The following RBFOX3 variants were observed in gnomAD, a reference collection of about 807,000 sequenced individuals.
The protein encoded by RBFOX3 is RNA binding protein fox-1 homolog 3.
Under a neutral mutation model 48.7 loss-of-function variants are expected in RBFOX3, and 17 were observed. The ratio of observed to expected loss-of-function variants is 0.35; its 90% CI spans 0.24 to 0.52. The LOEUF (loss-of-function observed/expected upper bound fraction) is 0.52. RBFOX3 is among the 20% of genes least tolerant of loss of function. The probability of loss-of-function intolerance (pLI) is 0.94; values close to 1 mark genes in which losing one functional copy is unlikely to be tolerated. For synonymous variants in RBFOX3, 212 were observed against 209.5 expected, an observed-to-expected ratio of 1.01 and a Z score of -0.10; for missense variants, 382 against 497.5, an observed-to-expected ratio of 0.77 and a Z score of 2.21.
rs1354308208 is a variant in RBFOX3 at position 79,299,868 on chromosome 17, A to G, written c.-74+7856T>C. Among the ~76,000 whole-genome samples the G allele has an allele frequency of 6.6e-6, 1 of 151,822 alleles. No individual in the cohort carries two copies. The highest frequency in any genetic ancestry group is 1.9e-4 in the East Asian group (1 of 5,184). Reference sequence around the variant, plus strand: ...AGCATCTCTGTTTAGCCAGCTTCTCAGTACCCCACACAGGCCTCCAAAGGA... The same window carrying G: ...AGCATCTCTGTTTAGCCAGCTTCTCGGTACCCCACACAGGCCTCCAAAGGA... On this transcript the variant is annotated intron_variant, in intron 3 of 14. Coordinates refer to ENST00000693108, the MANE Select transcript of RBFOX3 (RefSeq NM_001350451.2). This position sits in a 1 kb window ranked among gnomAD's most constrained non-coding sequence, Gnocchi z 4.5.
chr17:79,198,168 G>A lies in RBFOX3; in HGVS notation c.-34+37598C>T, dbSNP rs1171038953. On this transcript the variant is annotated intron_variant, in intron 4 of 14. Coordinates refer to ENST00000693108, the MANE Select transcript of RBFOX3 (RefSeq NM_001350451.2). The surrounding 1 kb of genome is among the most constrained non-coding windows in gnomAD (Gnocchi z 8.2). ...TCGTGTGGGGTGGGCTGTCATCCCG[G>A]AAGTGCTACGGTTGCATCGCTGGAC... Among the ~76,000 whole-genome samples, 3 of 151,774 alleles carry A rather than the reference G, an allele frequency of 2.0e-5. No individual in the cohort carries two copies. Among genetic ancestry groups the A allele is most frequent in the Non-Finnish European group, 2.9e-5 (2 of 67,996 alleles).
At position 79,509,374 on chromosome 17, in the gene RBFOX3, G is replaced by A. The variant is rs2083729952; in HGVS notation, c.-319-26776C>T. Among the ~76,000 whole-genome samples the A allele has an allele frequency of 2.0e-5, 3 of 152,182 alleles. No homozygotes were observed. In the South Asian group the frequency reaches 6.2e-4, roughly 32 times the overall value. ...TCCCCACACCCCCTCCAGCCCCAGA[G>A]CACATAGCTCAGCAAAGCCAGGGGC... On this transcript the variant is annotated intron_variant, in intron 1 of 14. Transcript: ENST00000693108.
In RBFOX3 at chr17:79,364,732, G is replaced by A. The variant is rs1002810710; in HGVS notation, c.-174-56908C>T. 1.3e-5 allele frequency among the ~76,000 whole-genome samples: 2 copies of A among 152,154 alleles called. No individual in the cohort carries two copies. The highest frequency in any genetic ancestry group is 3.2e-3 in the Middle Eastern group (1 of 316). Reference sequence around the variant, plus strand: ...CACCATATGGGGCTGGGGACCTAGAGGAACACATTATAGCCCATCCAGCAC... The same window carrying A: ...CACCATATGGGGCTGGGGACCTAGAAGAACACATTATAGCCCATCCAGCAC... On this transcript the variant is annotated intron_variant, in intron 2 of 14. Transcript: ENST00000693108. This position sits in a 1 kb window ranked among gnomAD's most constrained non-coding sequence, Gnocchi z 5.1.
At chr17:79,217,969 A>C (rs1374173568) in intron 4 of RBFOX3, among the ~76,000 whole-genome samples, 1 of 151,650 alleles carries the variant, frequency 6.6e-6, no homozygotes, top group East Asian at 1.9e-4. Context: ...GTGAGATTTG[A>C]TCGGGGCAGG....
At chr17:79,404,564 C>T (rs1404106042) in intron 2 of RBFOX3, among the ~76,000 whole-genome samples, 1 of 152,198 alleles carries the variant, frequency 6.6e-6, no homozygotes, top group Non-Finnish European at 1.5e-5. Context: ...GTCTCAGCCC[C>T]GGCGCCCTCT....
At chr17:79,170,124 AAGGAAGG>A (rs1284671429) in intron 4 of RBFOX3, among the ~76,000 whole-genome samples, 1 of 143,938 alleles carries the variant, frequency 6.9e-6, no homozygotes, top group Admixed American at 6.8e-5. Context: ...GGAAGGAAGG[AAGGAAGG>A]AGGAAGGAGG....
intron 4 of RBFOX3, among the ~76,000 whole-genome samples, chr17:79,124,177 C>A (rs1329717929): frequency 1.3e-5 from 2 of 152,198 alleles, no homozygotes; most frequent in Non-Finnish European, 2.9e-5. Context: ...CTGGTGGGAG[C>A]ATTTACACCA....
At chr17:79,382,602 T>C (rs2060062471) in intron 2 of RBFOX3, among the ~76,000 whole-genome samples, 1 of 152,182 alleles carries the variant, frequency 6.6e-6, no homozygotes, top group Admixed American at 6.5e-5. Flanking sequence ...CTTGCGGTCA[T>C]GGGCAACCCT....
At chr17:79,485,791 C>G (rs2079501759) in intron 1 of RBFOX3, among the ~76,000 whole-genome samples, 1 of 152,242 alleles carries the variant, frequency 6.6e-6, no homozygotes, top group Non-Finnish European at 1.5e-5. Context: ...GCTCGAGCCT[C>G]CTTGGCGCCC....
intron 2 of RBFOX3, among the ~76,000 whole-genome samples, chr17:79,328,455 G>T (rs746026395): frequency 6.6e-6 from 1 of 152,188 alleles, no homozygotes; most frequent in Admixed American, 6.5e-5. Flanking sequence ...AACACTTGAA[G>T]GTTTTTGGGA....
chr17:79,282,062 G>T (rs1375435463), intron 3 of RBFOX3, among the ~76,000 whole-genome samples: 1 of 152,204 alleles, frequency 6.6e-6, no homozygotes, highest in African/African-American at 2.4e-5. Context: ...AGAGGTTGTT[G>T]GCTGGGGTTG....
rs372150687 is a variant in RBFOX3 at position 79,479,285 on chromosome 17, G to T, written c.-175+3169C>A. On this transcript the variant is annotated intron_variant, in intron 2 of 14. Transcript: ENST00000693108. This position sits in a 1 kb window ranked among gnomAD's most constrained non-coding sequence, Gnocchi z 5.1. ...TCCAGGCTGCAGGGAGAACCCAGGAGCTCGCGGGGCAGGAGGGTGTCTACA... is the reference window on the plus strand; with the variant it reads ...TCCAGGCTGCAGGGAGAACCCAGGATCTCGCGGGGCAGGAGGGTGTCTACA... 7.0e-4 allele frequency among the ~76,000 whole-genome samples: 107 copies of T among 152,318 alleles called. No homozygotes were observed. The highest frequency in any genetic ancestry group is 2.5e-3 in the African/African-American group (105 of 41,572).
chr17:79,306,028 A>G (rs1568011451), intron 3 of RBFOX3, among the ~76,000 whole-genome samples: 1 of 152,256 alleles, frequency 6.6e-6, no homozygotes, highest in East Asian at 1.9e-4. Context: ...TAAAAGCAGC[A>G]GCGTCTACAG....
chr17:79,289,792 C>T (rs1286591771), intron 3 of RBFOX3, among the ~76,000 whole-genome samples: 1 of 152,238 alleles, frequency 6.6e-6, no homozygotes, highest in Non-Finnish European at 1.5e-5. Context: ...GATAGTTCAA[C>T]TCTAAATGTA....
rs57755178 is a variant in RBFOX3 at position 79,145,802 on chromosome 17, G to A, written c.-33-30054C>T. On this transcript the variant is annotated intron_variant, in intron 4 of 14. Coordinates refer to ENST00000693108, the MANE Select transcript of RBFOX3 (RefSeq NM_001350451.2). ...ACACGGGGGCTCTCAGCCGGGCGAC[G>A]GTGCCCTGCAGGGGACATTTGATGA... Among the ~76,000 whole-genome samples the A allele has an allele frequency of 7.5e-3, 1,140 of 152,328 alleles. 13 individuals are homozygous for A. The highest frequency in any genetic ancestry group is 0.036 in the East Asian group (185 of 5,172).
At chr17:79,575,108 G>A (rs915759299) in intron 1 of RBFOX3, among the ~76,000 whole-genome samples, 31 of 152,240 alleles carry the variant, frequency 2.0e-4, no homozygotes, top group Admixed American at 2.6e-4. Context: ...TGGGTATGGG[G>A]GCTGTGAAGC....
At chr17:79,232,806 C>T (rs570887399) in intron 4 of RBFOX3, among the ~76,000 whole-genome samples, 20 of 152,178 alleles carry the variant, frequency 1.3e-4, no homozygotes, top group African/African-American at 4.3e-4. Context: ...AGATTAAAAC[C>T]CCAGTGAGCT....
At chr17:79,245,960 A>G (rs1287708144) in intron 3 of RBFOX3, among the ~76,000 whole-genome samples, 1 of 151,982 alleles carries the variant, frequency 6.6e-6, no homozygotes, top group Non-Finnish European at 1.5e-5. Flanking sequence ...TTTTAAGACA[A>G]TGAGAATCAC....
chr17:79,323,013 T>C (rs1454742840), intron 2 of RBFOX3, among the ~76,000 whole-genome samples: 1 of 152,192 alleles, frequency 6.6e-6, no homozygotes, highest in East Asian at 1.9e-4. Context: ...GTGGGGGCAT[T>C]GTGCTGGGGG....
Sources: gnomAD v4.1 joint callset for allele counts (sites outside exome capture counted in the v4.1 genomes callset) on GRCh38, gnomAD v4.1.1 for gene constraint, Gnocchi (gnomAD v3.1) non-coding constraint, MANE v1.5 for transcripts, NCBI Gene and HGNC (gene_info 2026-07-23, HGNC 2026-07-21) for gene names.